LPP: variants seen among roughly 807,000 people sequenced by gnomAD.
The protein encoded by LPP is lipoma-preferred partner.
Under a neutral mutation model 60.4 loss-of-function variants are expected in LPP, and 38 were observed. The ratio of observed to expected loss-of-function variants is 0.63; its 90% CI spans 0.49 to 0.83. LPP has a LOEUF of 0.83. Ranked by LOEUF, LPP falls within the 40% of genes least tolerant of loss-of-function variation. The probability of loss-of-function intolerance (pLI) is 0.00; values close to 1 mark genes in which losing one functional copy is unlikely to be tolerated. For synonymous variants in LPP, 328 were observed against 290.8 expected (o/e 1.13, Z -1.30); for missense variants, 902 against 783.6 (o/e 1.15, Z -1.80).
chr3:188,464,493 A>C (rs932445902), intron 4 of LPP, among the ~76,000 whole-genome samples: 11 of 152,230 alleles, frequency 7.2e-5, no homozygotes, highest in African/African-American at 2.7e-4. Context: ...CATCTAGATG[A>C]TTCTACAAAT....
chr3:188,486,515 G>A (rs544156285), intron 5 of LPP, among the ~76,000 whole-genome samples: 78 of 152,262 alleles, frequency 5.1e-4, no homozygotes, highest in African/African-American at 1.4e-3. Flanking sequence ...CTGAGAAGGC[G>A]ACGCTTAAAT....
At chr3:188,230,803 A>G (rs1377276372) in intron 2 of LPP, among the ~76,000 whole-genome samples, 2 of 151,688 alleles carry the variant, frequency 1.3e-5, no homozygotes, top group African/African-American at 4.8e-5. Context: ...AAAAGCATTG[A>G]TTAATATTAT....
chr3:188,860,277 A>G (rs767525649), intron 9 of LPP, among the ~76,000 whole-genome samples: 1 of 152,198 alleles, frequency 6.6e-6, no homozygotes, highest in East Asian at 1.9e-4. Flanking sequence ...GTTAGGCAAT[A>G]GCAGTATTCT....
chr3:188,333,143 A>G (rs1338500089), intron 2 of LPP, among the ~76,000 whole-genome samples: 1 of 152,192 alleles, frequency 6.6e-6, no homozygotes, highest in Non-Finnish European at 1.5e-5. Context: ...TCTATTCATC[A>G]TTCCCTTTAC....
chr3:188,716,898 T>C (rs1446998698), intron 8 of LPP, among the ~76,000 whole-genome samples: 2 of 152,220 alleles, frequency 1.3e-5, no homozygotes, highest in Non-Finnish European at 2.9e-5. Context: ...GCGTCTTGCA[T>C]CCAACTTCTA....
chr3:188,540,289 T>C (rs536366675), intron 6 of LPP, among the ~76,000 whole-genome samples: 4 of 152,312 alleles, frequency 2.6e-5, no homozygotes, highest in Admixed American at 2.0e-4. Flanking sequence ...AAAAACTATA[T>C]TGATATTTCT....
chr3:188,298,475 G>C (rs1748659199), intron 2 of LPP, among the ~76,000 whole-genome samples: 1 of 152,086 alleles, frequency 6.6e-6, no homozygotes, highest in African/African-American at 2.4e-5. Flanking sequence ...TAAGTCTGTG[G>C]ATAAGACTCA....
At chr3:188,422,395 T>G (rs1788040759) in intron 4 of LPP, among the ~76,000 whole-genome samples, 1 of 152,170 alleles carries the variant, frequency 6.6e-6, no homozygotes, top group Non-Finnish European at 1.5e-5. Context: ...GAGCTTACAT[T>G]AAATGCCTGC....
At chr3:188,579,039 A>G (rs958292348) in intron 6 of LPP, among the ~76,000 whole-genome samples, 18 of 152,276 alleles carry the variant, frequency 1.2e-4, no homozygotes, top group South Asian at 2.1e-4. Flanking sequence ...CCAAAAAAAA[A>G]GGGGGTAGTG....
chr3:188,480,645 G>A (rs561744352), intron 4 of LPP, among the ~76,000 whole-genome samples: 1,548 of 152,244 alleles, frequency 0.01, 28 homozygotes, highest in African/African-American at 0.036. Context: ...ATTTTGTTTT[G>A]TTTTGTTTAA....
intron 8 of LPP, among the ~76,000 whole-genome samples, chr3:188,754,399 G>A (rs373370941): frequency 3.3e-5 from 5 of 152,176 alleles, no homozygotes; most frequent in Admixed American, 6.5e-5. Flanking sequence ...ATTATGATGC[G>A]TTAGGAATTT....
rs894623313 is a variant in LPP at position 188,356,661 on chromosome 3, C to T, written c.-10+14942C>T. 2.6e-5 allele frequency among the ~76,000 whole-genome samples: 4 copies of T among 152,160 alleles called. No homozygotes were observed. The East Asian group carries it at 7.7e-4, about 29-fold the overall frequency. ...TCAGTGGGCAACTGTGGCAATAGTT[C>T]TTGGCTAACCTGGTCACTATGGAAG... On this transcript the variant is annotated intron_variant, in intron 3 of 11. Coordinates refer to ENST00000617246, the MANE Select transcript of LPP (RefSeq NM_001375462.1).
At chr3:188,365,112 A>G (rs1578355255) in intron 3 of LPP, among the ~76,000 whole-genome samples, 1 of 141,790 alleles carries the variant, frequency 7.1e-6, no homozygotes, top group African/African-American at 2.6e-5. Context: ...AGGGTAATAG[A>G]AGCGCTTTTT....
chr3:188,154,212 G>GCCA lies in LPP; in HGVS notation c.-221_-219dup, dbSNP rs575575843. 0.013 allele frequency among the ~76,000 whole-genome samples: 2,029 copies of GCCA among 151,716 alleles called. 49 individuals carry two copies. Among genetic ancestry groups the GCCA allele is most frequent in the African/African-American group, 0.046 (1,893 of 41,456 alleles). On this transcript the variant is annotated 5_prime_UTR_variant, in exon 1 of 12. Transcript: ENST00000617246. ...AGCCGCCGCCGCCGCCGCCGCCGCC[G>GCCA]CCACCACCACCGCCGCTGCCCCGGC... is the stretch of plus-strand genomic sequence containing the variant.
At chr3:188,719,478 T>C (rs2149846541) in intron 8 of LPP, among the ~76,000 whole-genome samples, 1 of 152,294 alleles carries the variant, frequency 6.6e-6, no homozygotes, top group Non-Finnish European at 1.5e-5. Flanking sequence ...AGGATCACTA[T>C]CTCTTTATCA....
chr3:188,701,217 A>G (rs1228206503), intron 7 of LPP, among the ~76,000 whole-genome samples: 3 of 152,188 alleles, frequency 2.0e-5, no homozygotes, highest in South Asian at 2.1e-4. Context: ...GCAAGTCTTC[A>G]TTACTGCATA....
chr3:188,768,500 A>G (rs7621510), intron 9 of LPP, among the ~76,000 whole-genome samples: 56,051 of 151,994 alleles, frequency 0.37, 10,739 homozygotes, highest in Middle Eastern at 0.44. Flanking sequence ...ATATTGATAT[A>G]TCAAAATTTT....
chr3:188,707,005 A>G (rs1284916206), intron 7 of LPP, among the ~76,000 whole-genome samples: 1 of 152,160 alleles, frequency 6.6e-6, no homozygotes, highest in Non-Finnish European at 1.5e-5. Context: ...CCTTTTAATC[A>G]CATAGCACAA....
chr3:188,239,226 G>A (rs1410481748), intron 2 of LPP, among the ~76,000 whole-genome samples: 4 of 152,208 alleles, frequency 2.6e-5, no homozygotes, highest in Non-Finnish European at 5.9e-5. Flanking sequence ...GGCCCTGGGT[G>A]CAGATGGGCA....
Sources: allele counts gnomAD v4.1 joint callset (sites outside exome capture counted in the v4.1 genomes callset), GRCh38; gene constraint gnomAD v4.1.1; transcripts MANE v1.5; gene names NCBI Gene and HGNC (gene_info 2026-07-23, HGNC 2026-07-21).